Variants in SCIN observed in about 807,000 individuals in gnomAD.
SCIN encodes scinderin, also known as adseverin.
A neutral mutation model predicts 91.8 loss-of-function variants in SCIN; 91 were observed. The observed-to-expected ratio is 0.99, with a 90% confidence interval of 0.84 to 1.18. The LOEUF (loss-of-function observed/expected upper bound fraction) is 1.18, where lower values mean the gene tolerates loss of function less well. SCIN is among the 50% of genes most tolerant of loss of function. The pLI, the probability that SCIN is intolerant of heterozygous loss-of-function variation, is 0.00. For synonymous variants in SCIN, 367 were observed against 312.6 expected, an observed-to-expected ratio of 1.17 and a Z score of -1.84; for missense variants, 1,087 against 863.9, an observed-to-expected ratio of 1.26 and a Z score of -3.24.
At chr7:12,634,486 CAA>C (rs11340159) in intron 9 of SCIN, among the ~76,000 whole-genome samples, 216 of 140,030 alleles carry the variant, frequency 1.5e-3, no homozygotes, top group East Asian at 5.2e-3. Context: ...ACTCCATCTC[CAA>C]AAAAAAAAAA....
chr7:12,586,041 T>C (rs188738251), intron 3 of SCIN, among the ~76,000 whole-genome samples: 2 of 152,362 alleles, frequency 1.3e-5, no homozygotes, highest in African/African-American at 4.8e-5. Context: ...AGAGACTTGC[T>C]TCTCAGCCTT....
At chr7:12,646,439 A>T (rs1049157731) in intron 13 of SCIN, among the ~76,000 whole-genome samples, 4 of 152,174 alleles carry the variant, frequency 2.6e-5, no homozygotes, top group African/African-American at 4.8e-5. Context: ...TCATGGCCTC[A>T]TCTGAACCTA....
At position 12,656,239 on chromosome 7, in the gene SCIN, A is replaced by G. The variant is rs1388383708; in HGVS notation, c.*3524A>G. The G allele has an allele frequency of 6.6e-6, 1 of 152,198 alleles. No individual in the cohort carries two copies. The highest frequency in any genetic ancestry group is 1.5e-5 in the Non-Finnish European group (1 of 68,038). 9.4% of individuals were successfully genotyped at this position (152,198 alleles called of 1,614,324 possible). A position where few individuals can be genotyped will look rare whatever the true frequency, so the allele number is the denominator to read the frequency against. Reference sequence around the variant, plus strand: ...CACTTAACTCATTATTCAGTCATCAAGCAATTCTTGTCCCAATCATTCTCC... The same window carrying G: ...CACTTAACTCATTATTCAGTCATCAGGCAATTCTTGTCCCAATCATTCTCC... On this transcript the variant is annotated 3_prime_UTR_variant, in exon 16 of 16. Transcript: ENST00000297029.
At chr7:12,646,951 C>T (rs1391440154) in intron 13 of SCIN, among the ~76,000 whole-genome samples, 1 of 152,264 alleles carries the variant, frequency 6.6e-6, no homozygotes, top group East Asian at 1.9e-4. Flanking sequence ...ACCTACTTTA[C>T]AGGAAATCCC....
intron 4 of SCIN, among the ~76,000 whole-genome samples, chr7:12,608,406 A>G (rs1160121597): frequency 6.6e-6 from 1 of 152,050 alleles, no homozygotes; most frequent in African/African-American, 2.4e-5. Context: ...CCCTGGTGCA[A>G]CAGTTGATTT....
chr7:12,630,574 A>G (rs903358866), intron 9 of SCIN, among the ~76,000 whole-genome samples: 9 of 152,242 alleles, frequency 5.9e-5, no homozygotes, highest in African/African-American at 2.2e-4. Flanking sequence ...CGCCACAGTC[A>G]ATCCATATGC....
In SCIN at chr7:12,651,819, T is replaced by C; in HGVS notation, c.1960-22T>C. The C allele has an allele frequency of 1.4e-6, 2 of 1,465,762 alleles. No individual in the cohort carries two copies. The highest frequency in any genetic ancestry group is 9.4e-7 in the Non-Finnish European group (1 of 1,059,490). 90.8% of individuals were successfully genotyped at this position (1,465,762 alleles called of 1,614,324 possible). A position where few individuals can be genotyped will look rare whatever the true frequency, so the allele number is the denominator to read the frequency against. On this transcript the variant is annotated intron_variant, in intron 14 of 15. Coordinates refer to ENST00000297029, the MANE Select transcript of SCIN (RefSeq NM_001112706.3). This position sits in a 1 kb window ranked among gnomAD's most constrained non-coding sequence, Gnocchi z 5.9. ...GTCAACATCCCAGAAATCATACATA[T>C]TGTTATTGTTTCATTTTTCAGATAT... is the stretch of plus-strand genomic sequence containing the variant.
At position 12,652,616 on chromosome 7, in the gene SCIN, T is replaced by C. The variant is rs1330266890; in HGVS notation, c.2049T>C (p.Ser683=). The change falls in exon 16 of 16, where the codon TCT becomes TCC. Residue 683 remains serine (S), a synonymous_variant. Transcript: ENST00000297029. ...SAKMYLETDP[S]GRDKRTPIVI... ...AAATGTACCTTGAGACAGACCCTTC[T>C]GGAAGAGACAAGAGGACACCAATTG... 6.2e-7 allele frequency: 1 copy of C among 1,613,102 alleles called. No individual in the cohort carries two copies. Among genetic ancestry groups the C allele is most frequent in the Non-Finnish European group, 8.5e-7 (1 of 1,179,600 alleles).
chr7:12,573,197 T>A (rs78650898), intron 1 of SCIN, among the ~76,000 whole-genome samples: 4,980 of 152,178 alleles, frequency 0.033, 127 homozygotes, highest in Non-Finnish European at 0.05. Flanking sequence ...TTAGGATGAA[T>A]CCATGAGGAT....
At chr7:12,636,420 A>G (rs1583315930) in intron 10 of SCIN, among the ~76,000 whole-genome samples, 4 of 152,336 alleles carry the variant, frequency 2.6e-5, no homozygotes, top group Admixed American at 2.6e-4. Flanking sequence ...GCCTCTTGAC[A>G]TTAAAACGGT....
chr7:12,626,687 C>G lies in SCIN; in HGVS notation c.1085C>G (p.Thr362Arg). Residue 362 changes from threonine to arginine, a missense_variant, in exon 8 of 16, where the codon ACA (threonine) becomes AGA (arginine). Transcript: ENST00000297029. ...GATGGCTTCGGGAAAGTTTATGTCA[C>G]AGAGAAAGTGGCTCAAATAAAACAA... is the stretch of plus-strand genomic sequence containing the variant. The part of the protein sequence containing the change: ...QSDGFGKVYV[T>R]EKVAQIKQIP... 1 of 1,583,954 alleles carries G rather than the reference C, an allele frequency of 6.3e-7. No homozygotes were observed. Among genetic ancestry groups the G allele is most frequent in the Non-Finnish European group, 8.6e-7 (1 of 1,164,300 alleles).
intron 4 of SCIN, among the ~76,000 whole-genome samples, chr7:12,606,412 A>G (rs909155465): frequency 1.3e-5 from 2 of 152,206 alleles, no homozygotes; most frequent in African/African-American, 4.8e-5. Context: ...CAGTAGTTAC[A>G]TGGTCCAGTG....
At chr7:12,586,096 T>C (rs1442828739) in intron 3 of SCIN, among the ~76,000 whole-genome samples, 1 of 152,208 alleles carries the variant, frequency 6.6e-6, no homozygotes, top group African/African-American at 2.4e-5. Context: ...CCTCACTCAC[T>C]GTGTTTCTAA....
At chr7:12,582,967 G>T (rs1407029636) in intron 3 of SCIN, among the ~76,000 whole-genome samples, 1 of 151,982 alleles carries the variant, frequency 6.6e-6, no homozygotes, top group South Asian at 2.1e-4. Flanking sequence ...GGAGACCTCA[G>T]TTCTCATTCC....
chr7:12,604,023 A>G (rs2115249387), intron 3 of SCIN, among the ~76,000 whole-genome samples: 1 of 152,196 alleles, frequency 6.6e-6, no homozygotes, highest in Middle Eastern at 3.4e-3. Flanking sequence ...TGCTTTACAT[A>G]TATTAATTAT....
chr7:12,595,411 C>G (rs1782820059), intron 3 of SCIN: 1 of 140,086 alleles, frequency 7.1e-6, no homozygotes, highest in Admixed American at 8.3e-5. Context: ...TTGCTGTAGG[C>G]CTAGATAAGG....
intron 3 of SCIN, among the ~76,000 whole-genome samples, chr7:12,584,456 T>C (rs1402250975): frequency 6.6e-6 from 1 of 152,236 alleles, no homozygotes; most frequent in Non-Finnish European, 1.5e-5. Context: ...CAACAGTCAC[T>C]ATTATTAATA....
At chr7:12,582,822 G>A (rs781084787) in intron 3 of SCIN, among the ~76,000 whole-genome samples, 29 of 152,122 alleles carry the variant, frequency 1.9e-4, no homozygotes, top group Non-Finnish European at 2.1e-4. Flanking sequence ...ACACAGTTCC[G>A]AAAGCAATTG....
intron 4 of SCIN, among the ~76,000 whole-genome samples, chr7:12,608,591 C>CCTCAG (rs1204553825): frequency 1.3e-5 from 2 of 152,084 alleles, no homozygotes; most frequent in Non-Finnish European, 2.9e-5. Context: ...GATTCTCCTG[C>CCTCAG]CTCAGCTTCC....
Sources: gnomAD v4.1 joint callset for allele counts (sites outside exome capture counted in the v4.1 genomes callset) on GRCh38, gnomAD v4.1.1 for gene constraint, Gnocchi (gnomAD v3.1) non-coding constraint, MANE v1.5 for transcripts, NCBI Gene and HGNC (gene_info 2026-07-23, HGNC 2026-07-21) for gene names.